The following CLTRN variants were observed in gnomAD, a reference collection of about 807,000 sequenced individuals.
The protein encoded by CLTRN is collectrin, amino acid transport regulator, also known as collectrin.
Under a neutral mutation model 14.5 loss-of-function variants are expected in CLTRN, and 12 were observed. That is an observed-to-expected ratio of 0.83 (90% CI 0.53 to 1.34). The LOEUF is 1.34. Among genes scored for constraint, CLTRN ranks in the 40% most tolerant of loss-of-function variants. The probability of loss-of-function intolerance (pLI) is 0.00; values close to 1 mark genes in which losing one functional copy is unlikely to be tolerated. For synonymous variants in CLTRN, 58 were observed against 56.5 expected, an observed-to-expected ratio of 1.03 and a Z score of -0.12; for missense variants, 154 against 165.1, an observed-to-expected ratio of 0.93 and a Z score of 0.37.
intron 3 of CLTRN, among the ~76,000 whole-genome samples, chrX:15,648,648 G>A (rs186278697): frequency 4.5e-5 from 5 of 110,266 alleles, no homozygotes; most frequent in East Asian, 5.7e-4. Context: ...CCATCTCTAC[G>A]AAAAATACAA....
rs770238468 is a variant in CLTRN, at chrX:15,664,741, A to T, written c.35T>A (p.Ile12Asn). The change falls in exon 1 of 6, where the codon ATT (isoleucine) becomes AAT (asparagine). Residue 12 changes from isoleucine (I) to asparagine (N), a missense_variant. By Grantham distance (149) the Ile-to-Asn change is moderately radical. Coordinates refer to ENST00000380342, the MANE Select transcript of CLTRN (RefSeq NM_020665.6). ...LWLLFFLVTA[I>N]HAELCQPGAE... ...ACCTGGTTGACAGAGTTCAGCATGA[A>T]TGGCAGTCACCAGAAAAAAGAGCAG... 9 of 1,208,412 alleles carry T rather than the reference A, an allele frequency of 7.4e-6. No homozygotes were observed. The Admixed American group carries it at 2.0e-4, about 26-fold the overall frequency.
Position 15,671,577 on chromosome X carries a change from T to C in CLTRN, c.-506+3412A>G, listed in dbSNP as rs753761067. 9.9e-5 allele frequency among the ~76,000 whole-genome samples: 11 copies of C among 110,836 alleles called. No homozygotes were observed. The South Asian group carries it at 4.2e-3, about 42-fold the overall frequency. ...TGAGAGGCTAATGAAGATTTCAATG[T>C]GGGAATGGGTTCATTGTAAATGACA... On this transcript the variant is annotated intron_variant, in intron 1 of 6. Coordinates refer to the CLTRN transcript ENST00000650271.
chrX:15,641,636 C>CTCTG (rs776589117), intron 4 of CLTRN, among the ~76,000 whole-genome samples: 3 of 88,492 alleles, frequency 3.4e-5, no homozygotes, highest in African/African-American at 1.3e-4. Context: ...CCACACCTGG[C>CTCTG]TGTGTGTGTG....
upstream of CLTRN, among the ~76,000 whole-genome samples, chrX:15,667,579 A>G (rs1258814345): frequency 8.9e-6 from 1 of 112,950 alleles, no homozygotes; most frequent in African/African-American, 3.2e-5. Flanking sequence ...TGTTTTCTAA[A>G]TATTTGGAAC....
At chrX:15,646,263 G>A (rs5934255) in intron 3 of CLTRN, 70,148 of 237,901 alleles carry the variant, frequency 0.29, 7,267 homozygotes, top group East Asian at 0.43. Flanking sequence ...GGCACATGGC[G>A]CCTCGTGCAC....
Position 15,664,379 on chromosome X carries a change from A to G in CLTRN, c.75T>C (p.Phe25=). The change falls in exon 2 of 6, where the codon TTT becomes TTC. Residue 25 remains phenylalanine (F), a synonymous_variant. Coordinates refer to ENST00000380342, the MANE Select transcript of CLTRN (RefSeq NM_020665.6). ...ELCQPGAENA[F]KVRLSIRTAL... ...CTGTTCTGATACTAAGTCTCACTTT[A>G]AAAGCATTTTCTGCACCTGCCAGAA... The G allele has an allele frequency of 8.4e-7, 1 of 1,190,496 alleles. No individual in the cohort carries two copies. Among genetic ancestry groups the G allele is most frequent in the East Asian group, 3.0e-5 (1 of 33,370 alleles).
intron 3 of CLTRN, among the ~76,000 whole-genome samples, chrX:15,650,780 T>C (rs1439281016): frequency 8.9e-6 from 1 of 112,154 alleles, no homozygotes; most frequent in Non-Finnish European, 1.9e-5. Context: ...GTGTTTATAT[T>C]TTGTTCACAT....
chrX:15,666,841 A>C (rs1929630267), upstream of CLTRN, among the ~76,000 whole-genome samples: 1 of 112,367 alleles, frequency 8.9e-6, no homozygotes, highest in South Asian at 3.7e-4. Flanking sequence ...GGAAATGTTA[A>C]ACTAGATAAA....
chrX:15,630,039 A>T (rs774813877), intron 5 of CLTRN, among the ~76,000 whole-genome samples: 27 of 112,121 alleles, frequency 2.4e-4, no homozygotes, highest in Non-Finnish European at 4.9e-4. Flanking sequence ...GTATGGGTAG[A>T]TGAATCAATG....
chrX:15,673,961 T>C (rs1034127160), intron 1 of CLTRN, among the ~76,000 whole-genome samples: 2 of 112,601 alleles, frequency 1.8e-5, no homozygotes, highest in South Asian at 7.2e-4. Context: ...AAACCAGCAC[T>C]TATCAAGTCC....
At chrX:15,661,801 T>C (rs779841516) in intron 2 of CLTRN, among the ~76,000 whole-genome samples, 3 of 112,631 alleles carry the variant, frequency 2.7e-5, no homozygotes, top group South Asian at 3.6e-4. Flanking sequence ...CAATGTGAAA[T>C]TGAACACATC....
chrX:15,655,523 T>C (rs1929334627), intron 3 of CLTRN, among the ~76,000 whole-genome samples: 1 of 112,266 alleles, frequency 8.9e-6, no homozygotes, highest in Non-Finnish European at 1.9e-5. Context: ...CTTAGGGACA[T>C]GGGCCCAATA....
At chrX:15,631,603 T>A (rs1249786347) in intron 5 of CLTRN, among the ~76,000 whole-genome samples, 5 of 112,262 alleles carry the variant, frequency 4.5e-5, no homozygotes, top group Admixed American at 9.4e-5. Context: ...TGTAAACAAA[T>A]GAGGACAAGT....
At chrX:15,629,881 A>G (rs1056113291) in intron 5 of CLTRN, among the ~76,000 whole-genome samples, 1 of 112,195 alleles carries the variant, frequency 8.9e-6, no homozygotes, top group African/African-American at 3.2e-5. Flanking sequence ...AGTAGATCAC[A>G]TATATGTTTT....
chrX:15,643,481 A>G (rs1224071659), intron 4 of CLTRN, among the ~76,000 whole-genome samples: 1 of 112,207 alleles, frequency 8.9e-6, no homozygotes, highest in Non-Finnish European at 1.9e-5. Flanking sequence ...CTTCACCCTA[A>G]GCACTCACTC....
chrX:15,628,050 G>A lies in CLTRN; in HGVS notation c.590C>T (p.Pro197Leu), dbSNP rs200940849. ...TCCCTTCATGTCCAGGGGATCAGAG[G>A]GGATGCCATTTTCAATTGTGATCAT... ...ENMITIENGI[P>L]SDPLDMKGGH... The change falls in exon 6 of 6, where the codon CCC (proline) becomes CTC (leucine). Residue 197 changes from proline (P) to leucine (L), a missense_variant. Transcript: ENST00000380342. The A allele has an allele frequency of 3.5e-6, 4 of 1,150,226 alleles. No individual in the cohort carries two copies. In the African/African-American group the frequency reaches 7.3e-5, roughly 21 times the overall value. 94.8% of individuals were successfully genotyped at this position (1,150,226 alleles called of 1,213,427 possible). A position where few individuals can be genotyped will look rare whatever the true frequency, so the allele number is the denominator to read the frequency against.
chrX:15,673,520 G>C (rs950388601), intron 1 of CLTRN, among the ~76,000 whole-genome samples: 5 of 112,410 alleles, frequency 4.4e-5, no homozygotes, highest in Non-Finnish European at 9.4e-5. Flanking sequence ...CCCATTTCCG[G>C]TGTGTTTAAT....
chrX:15,632,263 T>C (rs1229540758), intron 5 of CLTRN, among the ~76,000 whole-genome samples: 1 of 112,002 alleles, frequency 8.9e-6, no homozygotes, highest in Non-Finnish European at 1.9e-5. Flanking sequence ...AGGAAGAGCA[T>C]TTCTGTCCCC....
chrX:15,646,260 G>A (rs6632688), intron 3 of CLTRN: 65,492 of 238,783 alleles, frequency 0.27, 6,891 homozygotes, highest in East Asian at 0.53. Flanking sequence ...CCCGGCACAT[G>A]GCGCCTCGTG....
Sources: allele counts gnomAD v4.1 joint callset (sites outside exome capture counted in the v4.1 genomes callset), GRCh38; gene constraint gnomAD v4.1.1; transcripts MANE v1.5; gene names NCBI Gene and HGNC (gene_info 2026-07-23, HGNC 2026-07-21).